The following SV2C variants were observed in gnomAD, a reference collection of about 807,000 sequenced individuals.
The protein encoded by SV2C is solute carrier family 22 member B3.
In SV2C, 49 loss-of-function variants were observed where a neutral mutation model predicts 79.7. The ratio of observed to expected loss-of-function variants is 0.61; its 90% confidence interval spans 0.49 to 0.78. SV2C has a LOEUF of 0.78. SV2C is among the 30% of genes least tolerant of loss of function. The pLI, the probability that SV2C is intolerant of heterozygous loss-of-function variation, is 0.00. For synonymous variants in SV2C, 334 were observed against 333.2 expected, an observed-to-expected ratio of 1.00 and a Z score of -0.03; for missense variants, 833 against 912.9, an observed-to-expected ratio of 0.91 and a Z score of 1.13.
chr5:76,178,388 T>C (rs947731743), intron 2 of SV2C, among the ~76,000 whole-genome samples: 1 of 152,238 alleles, frequency 6.6e-6, no homozygotes, highest in Non-Finnish European at 1.5e-5. Context: ...AAATTTCTTT[T>C]CTTTTTCAGG....
intron 4 of SV2C, among the ~76,000 whole-genome samples, chr5:76,224,565 T>C (rs1745184994): frequency 1.3e-5 from 2 of 152,172 alleles, no homozygotes; most frequent in African/African-American, 4.8e-5. Context: ...TATTCCTTGT[T>C]TGAGTGTTGT....
chr5:76,071,349 G>C, the SV2C span, among the ~76,000 whole-genome samples: 1 of 152,280 alleles, frequency 6.6e-6, no homozygotes, highest in East Asian at 1.9e-4. Flanking sequence ...CTGAGCTGCC[G>C]ATGCATATAA....
In SV2C at chr5:76,300,826, T is replaced by G. The variant is rs768222996; in HGVS notation, c.1734T>G (p.Ser578Arg). The change falls in exon 11 of 13, where the codon AGT becomes AGG. Residue 578 changes from serine to arginine, a missense_variant. Transcript: ENST00000502798. ...GCQITFDDDY[S>R]AYWIYFVNFL... is the part of the protein sequence containing the mutation. ...AGATTACCTTTGATGATGACTATAG[T>G]GCCTACTGGATTTATTTTGTCAACT... The G allele has an allele frequency of 6.2e-7, 1 of 1,614,204 alleles. No individual in the cohort carries two copies. Among genetic ancestry groups the G allele is most frequent in the South Asian group, 1.1e-5 (1 of 91,088 alleles).
the SV2C span, among the ~76,000 whole-genome samples, chr5:76,002,041 C>T: frequency 7.9e-5 from 12 of 152,042 alleles, no homozygotes; most frequent in Middle Eastern, 0.024. Flanking sequence ...TAAGTGAGAA[C>T]GTACAATGGT....
At chr5:76,028,490 G>T in the SV2C span, among the ~76,000 whole-genome samples, 1 of 152,120 alleles carries the variant, frequency 6.6e-6, no homozygotes, top group African/African-American at 2.4e-5. Context: ...TAATTATGTC[G>T]TGTCCCTGGA....
chr5:76,279,888 G>C (rs1747129588), intron 4 of SV2C, among the ~76,000 whole-genome samples: 1 of 152,172 alleles, frequency 6.6e-6, no homozygotes, highest in Non-Finnish European at 1.5e-5. Context: ...TTCCGTCCTT[G>C]AGGGAAAGAG....
At chr5:76,152,292 T>A (rs1320935713) in intron 2 of SV2C, among the ~76,000 whole-genome samples, 1 of 152,202 alleles carries the variant, frequency 6.6e-6, no homozygotes, top group East Asian at 1.9e-4. Flanking sequence ...ACAAGGTACT[T>A]TGATATATTT....
the SV2C span, among the ~76,000 whole-genome samples, chr5:75,988,020 A>G: frequency 1.2e-4 from 19 of 152,066 alleles, no homozygotes; most frequent in Non-Finnish European, 1.5e-5. Flanking sequence ...GTCAACATAC[A>G]TAAAACATTC....
At chr5:76,111,221 G>A (rs1748086148) in intron 1 of SV2C, among the ~76,000 whole-genome samples, 1 of 152,026 alleles carries the variant, frequency 6.6e-6, no homozygotes, top group Admixed American at 6.6e-5. Context: ...CTAAATGGAA[G>A]CAGAATCTAT....
At chr5:76,093,198 C>T (rs1038737805) in intron 1 of SV2C, among the ~76,000 whole-genome samples, 1 of 152,264 alleles carries the variant, frequency 6.6e-6, no homozygotes, top group South Asian at 2.1e-4. Context: ...CCAGAGGTCC[C>T]TTGCATGCTC....
At chr5:76,162,532 G>A (rs921681444) in intron 2 of SV2C, among the ~76,000 whole-genome samples, 1 of 152,152 alleles carries the variant, frequency 6.6e-6, no homozygotes, top group Non-Finnish European at 1.5e-5. Context: ...TGTTGAGTAG[G>A]AGGATTGTAC....
chr5:76,156,441 G>C (rs1742731395), intron 2 of SV2C, among the ~76,000 whole-genome samples: 1 of 152,082 alleles, frequency 6.6e-6, no homozygotes. Context: ...CATCCTGATT[G>C]CTACAATATG....
chr5:76,157,536 A>G (rs903020383), intron 2 of SV2C, among the ~76,000 whole-genome samples: 1 of 151,960 alleles, frequency 6.6e-6, no homozygotes, highest in Non-Finnish European at 1.5e-5. Context: ...TTAAAAACTG[A>G]TTTAAAAAGC....
rs748210678 is a variant in SV2C at position 76,301,584 on chromosome 5, C to A, written c.2000+39C>A. The A allele has an allele frequency of 6.3e-6, 10 of 1,575,342 alleles. No individual in the cohort carries two copies. The East Asian group carries it at 2.0e-4, about 32-fold the overall frequency. On this transcript the variant is annotated intron_variant, in intron 12 of 12. Transcript: ENST00000502798. Reference sequence around the variant, plus strand: ...GGCCTCTAGTAAGAGGCACTCTAAGCCCTGTGAGACCACTGAAAAATTATT... The same window carrying A: ...GGCCTCTAGTAAGAGGCACTCTAAGACCTGTGAGACCACTGAAAAATTATT...
chr5:76,148,514 G>A (rs7732994), intron 2 of SV2C, among the ~76,000 whole-genome samples: 62,089 of 151,908 alleles, frequency 0.41, 13,192 homozygotes, highest in Middle Eastern at 0.5. Context: ...CAGTGATGCA[G>A]TCGCTGCTCA....
At chr5:76,342,882 CTCTCT>C (rs1220112241) in intron 12 of SV2C, among the ~76,000 whole-genome samples, 30 of 132,626 alleles carry the variant, frequency 2.3e-4, no homozygotes, top group East Asian at 8.8e-4. Flanking sequence ...GTCTCTCTCT[CTCTCT>C]TTTTTTTTTT....
At chr5:76,129,550 T>G (rs1156958982) in intron 1 of SV2C, among the ~76,000 whole-genome samples, 1 of 152,248 alleles carries the variant, frequency 6.6e-6, no homozygotes, top group Non-Finnish European at 1.5e-5. Flanking sequence ...GGATTAGAAC[T>G]GTCCACTTTT....
intron 2 of SV2C, among the ~76,000 whole-genome samples, chr5:76,140,783 A>T (rs1749226659): frequency 6.6e-6 from 1 of 152,106 alleles, no homozygotes; most frequent in Non-Finnish European, 1.5e-5. Flanking sequence ...TACACTGCAG[A>T]CTTTAGGATC....
At chr5:75,957,567 T>C in the SV2C span, among the ~76,000 whole-genome samples, 1 of 152,046 alleles carries the variant, frequency 6.6e-6, no homozygotes, top group African/African-American at 2.4e-5. Context: ...AGGGCTATAC[T>C]AACTTTTCTG....
Sources: gnomAD v4.1 joint callset for allele counts (sites outside exome capture counted in the v4.1 genomes callset) on GRCh38, gnomAD v4.1.1 for gene constraint, MANE v1.5 for transcripts, NCBI Gene and HGNC (gene_info 2026-07-23, HGNC 2026-07-21) for gene names.